PDCD11: variants seen among roughly 807,000 people sequenced by gnomAD.
PDCD11 encodes programmed cell death 11.
Under a neutral mutation model 198.9 loss-of-function variants are expected in PDCD11, and 97 were observed. That is an observed-to-expected ratio of 0.49 (90% confidence interval 0.41 to 0.58). The LOEUF (loss-of-function observed/expected upper bound fraction) is 0.58, where lower values mean the gene tolerates loss of function less well. Ranked by LOEUF, PDCD11 falls within the 20% of genes least tolerant of loss-of-function variation. The pLI is 0.00. For missense variants in PDCD11, 2,102 were observed against 2,312.7 expected (o/e 0.91, Z 1.87); for synonymous variants, 893 against 918.0 (o/e 0.97, Z 0.49).
Position 103,396,676 on chromosome 10 carries a change from T to G in PDCD11, c.-66T>G, listed in dbSNP as rs2093437687. ...CTGTGGGTATCCTGGTCTCCGCGTG[T>G]GTGAGTACCGCGGCGCGAGGTTAGT... On this transcript the variant is annotated 5_prime_UTR_variant, in exon 1 of 36. Transcript: ENST00000369797. The G allele has an allele frequency of 6.6e-6, 1 of 152,356 alleles. No homozygotes were observed. Among genetic ancestry groups the G allele is most frequent in the African/African-American group, 2.4e-5 (1 of 41,438 alleles). The allele number at this position is 152,356 out of a possible 1,614,324, so 9.4% of individuals were successfully genotyped here. A position where few individuals can be genotyped will look rare whatever the true frequency, so the allele number is the denominator to read the frequency against.
chr10:103,422,062 TTA>T (rs2031470494), intron 17 of PDCD11, among the ~76,000 whole-genome samples: 2 of 126,682 alleles, frequency 1.6e-5, no homozygotes, highest in Admixed American at 1.5e-4. Context: ...AATTTTATTA[TTA>T]TTATTATTAT....
intron 27 of PDCD11, 139 bp downstream of exon 27, chr10:103,438,947 A>T (rs1000308596): frequency 2.4e-6 from 2 of 844,552 alleles, no homozygotes; most frequent in African/African-American, 1.7e-5. Flanking sequence ...ACTCATTTTT[A>T]AAATTCCAAG....
At chr10:103,405,205 G>C (rs1187763012) in intron 5 of PDCD11, 22 bp downstream of exon 5, 52 of 1,610,932 alleles carry the variant, frequency 3.2e-5, no homozygotes, top group African/African-American at 4.0e-5. Flanking sequence ...GGGTCGGGGA[G>C]GAAGAGTGGC....
In PDCD11 at chr10:103,419,719, C is replaced by G; in HGVS notation, c.2277+11C>G. Reference sequence around the variant, plus strand: ...CTGGCCCCAAAAGCTGTAAGTTCAACTCCATGTACAAGGGCTTTGAGGAGA... The same window carrying G: ...CTGGCCCCAAAAGCTGTAAGTTCAAGTCCATGTACAAGGGCTTTGAGGAGA... On this transcript the variant is annotated intron_variant, in intron 16 of 35. Transcript: ENST00000369797. The G allele has an allele frequency of 6.2e-7, 1 of 1,613,178 alleles. No homozygotes were observed. The highest frequency in any genetic ancestry group is 2.2e-5 in the East Asian group (1 of 44,858).
intron 2 of PDCD11, 73 bp downstream of exon 2, chr10:103,398,601 T>C: frequency 2.1e-6 from 2 of 969,054 alleles, no homozygotes; most frequent in Admixed American, 4.2e-5. Flanking sequence ...ATGAGCCTTA[T>C]TTGAGAATGT....
intron 30 of PDCD11, among the ~76,000 whole-genome samples, chr10:103,441,321 G>T (rs2032375409): frequency 6.6e-6 from 1 of 152,134 alleles, no homozygotes; most frequent in East Asian, 1.9e-4. Context: ...GCAGTTGTGT[G>T]ATCTTGGCTC....
rs1435957088 is a variant in PDCD11 at position 103,416,681 on chromosome 10, C to T, written c.1709C>T (p.Pro570Leu). The T allele has an allele frequency of 6.2e-7, 1 of 1,614,168 alleles. No individual in the cohort carries two copies. Among genetic ancestry groups the T allele is most frequent in the South Asian group, 1.1e-5 (1 of 91,078 alleles). The change falls in exon 13 of 36, where the codon CCC becomes CTC. Residue 570 changes from proline (P) to leucine (L), a missense_variant. Pro to Leu is a moderately conservative substitution (Grantham distance 98). Transcript: ENST00000369797. ...TACAACAATGTGCAGGGACTGGTGC[C>T]CAAGCATGAGCTCAGTACTGAGTAT... is the stretch of plus-strand genomic sequence containing the variant. ...KFYNNVQGLV[P>L]KHELSTEYIP...
intron 2 of PDCD11, among the ~76,000 whole-genome samples, chr10:103,400,006 T>TGAAACC: frequency 6.6e-6 from 1 of 152,298 alleles, no homozygotes; most frequent in Non-Finnish European, 1.5e-5. Context: ...ATAATTTAGC[T>TGAAACC]GAAACCACAT....
At position 103,445,714 on chromosome 10, in the gene PDCD11, T is replaced by C; in HGVS notation, c.*165T>C. ...CAGGATGAAAAGGAAGTTGAGATTT[T>C]TTAAATCCCTCTTCGCTTGCTTTAT... On this transcript the variant is annotated 3_prime_UTR_variant, in exon 36 of 36. Transcript: ENST00000369797. 1 of 594,642 alleles carries C rather than the reference T, an allele frequency of 1.7e-6. No individual in the cohort carries two copies. The highest frequency in any genetic ancestry group is 2.3e-5 in the South Asian group (1 of 42,562). The allele number at this position is 594,642 out of a possible 1,614,324, so 36.8% of individuals were successfully genotyped here. A position where few individuals can be genotyped will look rare whatever the true frequency, so the allele number is the denominator to read the frequency against.
At position 103,434,270 on chromosome 10, in the gene PDCD11, A is replaced by C. The variant is rs764226475; in HGVS notation, c.3587A>C (p.Lys1196Thr). 1 of 1,613,402 alleles carries C rather than the reference A, an allele frequency of 6.2e-7. No individual in the cohort carries two copies. The highest frequency in any genetic ancestry group is 8.5e-7 in the Non-Finnish European group (1 of 1,179,308). ...CAGGTTCTGAAGCATCCAGATAAGAAGTTCCGGGTTGGCCAGGCCCTGAGG... is the reference window on the plus strand; with the variant it reads ...CAGGTTCTGAAGCATCCAGATAAGACGTTCCGGGTTGGCCAGGCCCTGAGG... The part of the protein sequence containing the change: ...SFKVLKHPDK[K>T]FRVGQALRAT... The change falls in exon 24 of 36, where the codon AAG becomes ACG. Residue 1196 changes from lysine to threonine, a missense_variant. Lys to Thr is a moderately conservative substitution (Grantham distance 78, BLOSUM62 -1). Coordinates refer to ENST00000369797, the MANE Select transcript of PDCD11 (RefSeq NM_014976.2).
rs58607126 is a variant in PDCD11 at position 103,415,769 on chromosome 10, G to A, written c.1518+618G>A. On this transcript the variant is annotated intron_variant, in intron 12 of 35. Coordinates refer to ENST00000369797, the MANE Select transcript of PDCD11 (RefSeq NM_014976.2). ...GATTTGGAAGGTTGGGGAGAGCAAA[G>A]GTTGTGTTCTAGGCACAGAAATAGC... 4.1e-4 allele frequency among the ~76,000 whole-genome samples: 63 copies of A among 152,338 alleles called. 2 individuals are homozygous for A. In the East Asian group the frequency reaches 0.011, roughly 27 times the overall value.
intron 32 of PDCD11, 81 bp from the exon 33 acceptor site, chr10:103,443,084 G>A (rs1304684818): frequency 7.9e-7 from 1 of 1,271,004 alleles, no homozygotes; most frequent in Non-Finnish European, 1.1e-6. Flanking sequence ...GGAGGGGGAG[G>A]TGGTTCCTGA....
intron 21 of PDCD11, among the ~76,000 whole-genome samples, chr10:103,429,039 A>G (rs2133728641): frequency 6.6e-6 from 1 of 152,346 alleles, no homozygotes; most frequent in East Asian, 1.9e-4. Flanking sequence ...GATGAAAAAC[A>G]TTTAACTGAC....
intron 3 of PDCD11, among the ~76,000 whole-genome samples, chr10:103,402,886 A>C (rs964471269): frequency 6.6e-6 from 1 of 151,918 alleles, no homozygotes; most frequent in African/African-American, 2.4e-5. Context: ...GGCGTGTACC[A>C]CTATGCCTGG....
intron 22 of PDCD11, among the ~76,000 whole-genome samples, chr10:103,432,545 CT>C (rs1475331104): frequency 2.0e-5 from 3 of 152,200 alleles, no homozygotes; most frequent in African/African-American, 7.2e-5. Context: ...TAGATTCATG[CT>C]TTTCATGAAG....
intron 34 of PDCD11, 63 bp from the exon 35 acceptor site, chr10:103,444,454 A>G: frequency 6.7e-7 from 1 of 1,497,666 alleles, no homozygotes; most frequent in East Asian, 2.3e-5. Flanking sequence ...ACCCTGCGGA[A>G]CACTGTGTTG....
At chr10:103,406,511 G>A (rs1279849407) in intron 6 of PDCD11, 98 bp from the exon 7 acceptor site, 1 of 1,044,604 alleles carries the variant, frequency 9.6e-7, no homozygotes, top group East Asian at 2.4e-5. Flanking sequence ...TAACTGGGCA[G>A]GTAGGCCATG....
intron 25 of PDCD11, among the ~76,000 whole-genome samples, chr10:103,437,149 CCTTT>C (rs2032185359): frequency 2.0e-5 from 3 of 152,112 alleles, no homozygotes; most frequent in Admixed American, 6.5e-5. Context: ...CTCTCCCTCC[CCTTT>C]CTTTCTTTCT....
At chr10:103,417,043 G>C (rs1430578246) in intron 13 of PDCD11, among the ~76,000 whole-genome samples, 1 of 152,202 alleles carries the variant, frequency 6.6e-6, no homozygotes, top group Non-Finnish European at 1.5e-5. Flanking sequence ...TCACCACATG[G>C]GGGCAGTGCT....
Sources: gnomAD v4.1 joint callset for allele counts (sites outside exome capture counted in the v4.1 genomes callset) on GRCh38, gnomAD v4.1.1 for gene constraint, MANE v1.5 for transcripts, NCBI Gene and HGNC (gene_info 2026-07-23, HGNC 2026-07-21) for gene names.